PDE8B: variants seen among roughly 807,000 people sequenced by gnomAD.
The protein encoded by PDE8B is phosphodiesterase 8B.
Under a neutral mutation model 101.3 loss-of-function variants are expected in PDE8B, and 26 were observed. The ratio of observed to expected loss-of-function variants is 0.26; its 90% CI spans 0.19 to 0.36. The LOEUF is 0.36. Among genes scored for constraint, PDE8B ranks in the 10% least tolerant of loss-of-function variants. The probability of loss-of-function intolerance (pLI) is 1.00; values close to 1 mark genes in which losing one functional copy is unlikely to be tolerated. For synonymous variants in PDE8B, 424 were observed against 429.3 expected, an observed-to-expected ratio of 0.99 and a Z score of 0.15; for missense variants, 810 against 1,163.1, an observed-to-expected ratio of 0.70 and a Z score of 4.42.
chr5:77,314,566 T>C (rs1434892595), intron 2 of PDE8B, among the ~76,000 whole-genome samples: 2 of 152,142 alleles, frequency 1.3e-5, no homozygotes, highest in Admixed American at 6.5e-5. Context: ...TCCTGCAAGC[T>C]TGCTGAACTC....
At chr5:77,100,758 T>C in the PDE8B span, among the ~76,000 whole-genome samples, 1 of 152,096 alleles carries the variant, frequency 6.6e-6, no homozygotes, top group South Asian at 2.1e-4. Context: ...CCACCGTGAT[T>C]TCAGGGGTCT....
At chr5:77,200,494 A>G in the PDE8B span, among the ~76,000 whole-genome samples, 4 of 152,188 alleles carry the variant, frequency 2.6e-5, no homozygotes, top group East Asian at 7.7e-4. Flanking sequence ...AGGCTTGCAG[A>G]CATCCTAAAA....
chr5:77,118,600 T>A, the PDE8B span: 2 of 389,216 alleles, frequency 5.1e-6, no homozygotes, highest in Non-Finnish European at 9.1e-6. Context: ...TTGAACTTGG[T>A]GTGAATGACC....
rs534394993 is a variant in PDE8B at position 77,425,993 on chromosome 5, T to C, written c.2548+97T>C. ...GGTGAGCCTAAAGGTAAACAAAATA[T>C]ATTTTTAAAAATGTGGCTGTCAGCT... On this transcript the variant is annotated intron_variant, in intron 21 of 21. Coordinates refer to ENST00000264917, the MANE Select transcript of PDE8B (RefSeq NM_003719.5). 25 of 1,287,024 alleles carry C rather than the reference T, an allele frequency of 1.9e-5. No homozygotes were observed. The East Asian group carries it at 5.1e-4, about 26-fold the overall frequency. The allele number at this position is 1,287,024 out of a possible 1,614,324, so 79.7% of individuals were successfully genotyped here. A position where few individuals can be genotyped will look rare whatever the true frequency, so the allele number is the denominator to read the frequency against.
At chr5:77,373,575 G>A (rs1785476587) in intron 10 of PDE8B, among the ~76,000 whole-genome samples, 1 of 151,928 alleles carries the variant, frequency 6.6e-6, no homozygotes, top group South Asian at 2.1e-4. Flanking sequence ...CGGGTTTTAT[G>A]TAAATAAAAT....
intron 1 of PDE8B, among the ~76,000 whole-genome samples, chr5:77,268,775 G>T (rs1289825387): frequency 6.6e-6 from 1 of 151,232 alleles, no homozygotes; most frequent in Non-Finnish European, 1.5e-5. Flanking sequence ...ATTGGATAAA[G>T]AAAATGTGGT....
At chr5:77,185,514 C>G in the PDE8B span, among the ~76,000 whole-genome samples, 1 of 152,168 alleles carries the variant, frequency 6.6e-6, no homozygotes, top group African/African-American at 2.4e-5. Context: ...AAGACTCTAT[C>G]TCCAAATACA....
chr5:77,175,458 C>T, the PDE8B span, among the ~76,000 whole-genome samples: 5 of 152,190 alleles, frequency 3.3e-5, no homozygotes, highest in Admixed American at 6.5e-5. Context: ...CTTTGCATTC[C>T]CAGCTCCCTT....
chr5:77,118,234 A>G, the PDE8B span: 1 of 394,664 alleles, frequency 2.5e-6, no homozygotes, highest in Non-Finnish European at 4.5e-6. Context: ...GGTGTGAGCC[A>G]CCACGCCTAG....
At chr5:77,265,317 G>C (rs938305725) in intron 1 of PDE8B, among the ~76,000 whole-genome samples, 2 of 152,072 alleles carry the variant, frequency 1.3e-5, no homozygotes, top group African/African-American at 4.8e-5. Context: ...TGGTGTGTTG[G>C]CTTTTCTTTA....
intron 1 of PDE8B, among the ~76,000 whole-genome samples, chr5:77,304,504 CT>C (rs899040922): frequency 6.6e-6 from 1 of 151,564 alleles, no homozygotes; most frequent in African/African-American, 2.4e-5. Context: ...GTGCTCTTTG[CT>C]TTTTTTTGTT....
At chr5:77,166,226 T>TAAAAAAAAAAAAAAA in the PDE8B span, among the ~76,000 whole-genome samples, 4 of 116,332 alleles carry the variant, frequency 3.4e-5, no homozygotes, top group Admixed American at 9.0e-5. Context: ...TCGGTAAAGA[T>TAAAAAAAAAAAAAAA]AAAAAAAAAA....
At chr5:77,374,283 G>A (rs1187122598) in intron 10 of PDE8B, among the ~76,000 whole-genome samples, 1 of 151,958 alleles carries the variant, frequency 6.6e-6, no homozygotes, top group African/African-American at 2.4e-5. Flanking sequence ...TATTTTTTAT[G>A]GAGAGTGTAT....
In PDE8B at chr5:77,223,300, C is replaced by T. The variant is rs552492223; in HGVS notation, c.339+12036C>T. On this transcript the variant is annotated intron_variant, in intron 1 of 21. Coordinates refer to ENST00000264917, the MANE Select transcript of PDE8B (RefSeq NM_003719.5). ...GCACAATGTGCAGGTTAGTTACATA[C>T]GTATACATGTGCCATGCTGGTGTGC... Among the ~76,000 whole-genome samples, 574 of 151,184 alleles carry T rather than the reference C, an allele frequency of 3.8e-3. 2 individuals are homozygous for T. Among genetic ancestry groups the T allele is most frequent in the African/African-American group, 0.013 (538 of 41,214 alleles).
the PDE8B span, among the ~76,000 whole-genome samples, chr5:77,198,286 G>C: frequency 1.3e-5 from 2 of 152,110 alleles, no homozygotes; most frequent in Non-Finnish European, 2.9e-5. Flanking sequence ...AACTTGGATA[G>C]CTCCTAGTTC....
At chr5:77,237,700 G>A (rs947050678) in intron 1 of PDE8B, among the ~76,000 whole-genome samples, 3 of 151,982 alleles carry the variant, frequency 2.0e-5, no homozygotes, top group East Asian at 1.9e-4. Context: ...TCCTTCATTC[G>A]TGATGTTCCA....
chr5:77,177,448 A>G, the PDE8B span, among the ~76,000 whole-genome samples: 1 of 112,018 alleles, frequency 8.9e-6, no homozygotes, highest in African/African-American at 3.9e-5. Context: ...AATCATAACA[A>G]TAGACTGTAA....
In PDE8B at chr5:77,408,940, A is replaced by C. The variant is rs1312037540; in HGVS notation, c.1413A>C (p.Val471=). 1 of 1,613,428 alleles carries C rather than the reference A, an allele frequency of 6.2e-7. No homozygotes were observed. Among genetic ancestry groups the C allele is most frequent in the Non-Finnish European group, 8.5e-7 (1 of 1,179,422 alleles). ...NAAQENSPVT[V]AEALDRVLEI... is the part of the protein sequence containing the mutation. ...CCCAAGAAAACAGCCCAGTCACAGTAGCGGAAGCCTTGGACAGAGTTCTAG... is the reference window on the plus strand; with the variant it reads ...CCCAAGAAAACAGCCCAGTCACAGTCGCGGAAGCCTTGGACAGAGTTCTAG... The change falls in exon 14 of 22, where the codon GTA becomes GTC. Residue 471 remains valine, a synonymous_variant. Transcript: ENST00000264917.
chr5:77,331,528 G>A lies in PDE8B; in HGVS notation c.708+69G>A, dbSNP rs2150293356. On this transcript the variant is annotated intron_variant, in intron 5 of 21. Coordinates refer to ENST00000264917, the MANE Select transcript of PDE8B (RefSeq NM_003719.5). ...TAACCCCTAACTCTCCCATAACAGG[G>A]AAGCAAAGCTGCCACGGAGAACTGT... 2.5e-6 allele frequency: 3 copies of A among 1,199,190 alleles called. No individual in the cohort carries two copies. The East Asian group carries it at 7.0e-5, about 28-fold the overall frequency. The allele number at this position is 1,199,190 out of a possible 1,614,324, so 74.3% of individuals were successfully genotyped here.
Sources: gnomAD v4.1 joint callset for allele counts (sites outside exome capture counted in the v4.1 genomes callset) on GRCh38, gnomAD v4.1.1 for gene constraint, MANE v1.5 for transcripts, NCBI Gene and HGNC (gene_info 2026-07-23, HGNC 2026-07-21) for gene names.